MYLK4: variants seen among roughly 807,000 people sequenced by gnomAD.
The protein encoded by MYLK4 is caMLCK like.
In MYLK4, 46 loss-of-function variants were observed where a neutral mutation model predicts 48.1. The ratio of observed to expected loss-of-function variants is 0.96; its 90% confidence interval spans 0.75 to 1.22. The LOEUF (loss-of-function observed/expected upper bound fraction) is 1.22. MYLK4 is among the 50% of genes most tolerant of loss of function. The probability of loss-of-function intolerance (pLI) is 0.00; values close to 1 mark genes in which losing one functional copy is unlikely to be tolerated. For synonymous variants in MYLK4, 170 were observed against 180.8 expected (o/e 0.94, Z 0.48); for missense variants, 451 against 486.1 (o/e 0.93, Z 0.68).
In MYLK4 at chr6:2,666,821, C is replaced by A. The variant is rs142480106; in HGVS notation, c.*1104G>T. The A allele has an allele frequency of 2.0e-5, 3 of 152,256 alleles. No homozygotes were observed. Among genetic ancestry groups the A allele is most frequent in the African/African-American group, 7.2e-5 (3 of 41,460 alleles). The allele number at this position is 152,256 out of a possible 1,614,324, so 9.4% of individuals were successfully genotyped here. On this transcript the variant is annotated 3_prime_UTR_variant, in exon 13 of 13. Transcript: ENST00000274643. ...CAGGCTAGGCATAGGAACCTTCCAA[C>A]TGGAACGTTCCAACATTCTCACGTC... is the stretch of plus-strand genomic sequence containing the variant.
At chr6:2,679,074 A>C (rs1761197604) in intron 9 of MYLK4, among the ~76,000 whole-genome samples, 1 of 152,200 alleles carries the variant, frequency 6.6e-6, no homozygotes, top group African/African-American at 2.4e-5. Context: ...TGAAGAGGAC[A>C]CACATTTACT....
intron 2 of MYLK4, among the ~76,000 whole-genome samples, chr6:2,744,463 TG>T (rs1452388284): frequency 1.3e-5 from 2 of 152,148 alleles, no homozygotes; most frequent in Non-Finnish European, 2.9e-5. Context: ...AAATGCAACT[TG>T]AAAAATCACA....
the MYLK4 span, chr6:2,765,490 C>A: frequency 1.1e-4 from 131 of 1,168,488 alleles, 1 homozygote; most frequent in Non-Finnish European, 1.4e-4. Flanking sequence ...CGCCCTCCTC[C>A]GGCCCGCGAG....
chr6:2,687,998 C>T (rs1270392675), intron 4 of MYLK4, among the ~76,000 whole-genome samples: 2 of 152,130 alleles, frequency 1.3e-5, no homozygotes, highest in Non-Finnish European at 2.9e-5. Context: ...CCTCTCCCCA[C>T]CCCCAGCAGG....
chr6:2,756,081 A>G, the MYLK4 span, among the ~76,000 whole-genome samples: 2 of 152,212 alleles, frequency 1.3e-5, no homozygotes, highest in Non-Finnish European at 2.9e-5. Context: ...TTCCCCAACA[A>G]TGCATCACCC....
intron 7 of MYLK4, among the ~76,000 whole-genome samples, chr6:2,682,774 A>T (rs1272858886): frequency 1.3e-5 from 2 of 152,196 alleles, no homozygotes; most frequent in Non-Finnish European, 2.9e-5. Context: ...TAGGGAAACC[A>T]TTGCCATATA....
At chr6:2,684,800 C>T (rs1178629993) in intron 6 of MYLK4, among the ~76,000 whole-genome samples, 3 of 152,222 alleles carry the variant, frequency 2.0e-5, no homozygotes, top group Non-Finnish European at 4.4e-5. Flanking sequence ...GAGTGTCCTC[C>T]GGTTTTGGTA....
In MYLK4 at chr6:2,685,844, G is replaced by A. The variant is rs1490346386; in HGVS notation, c.342-268C>T. On this transcript the variant is annotated intron_variant, in intron 4 of 12. Transcript: ENST00000274643. This position sits in a 1 kb window ranked among gnomAD's most constrained non-coding sequence, Gnocchi z 4.5. ...CCAGCACTTTGGGAGGCCGAGGCGG[G>A]AGGATCACGAGGTCAGGACCAGTCT... 6.6e-6 allele frequency among the ~76,000 whole-genome samples: 1 copy of A among 152,118 alleles called. No individual in the cohort carries two copies. Among genetic ancestry groups the A allele is most frequent in the Non-Finnish European group, 1.5e-5 (1 of 68,008 alleles).
the MYLK4 span, among the ~76,000 whole-genome samples, chr6:2,767,265 T>G: frequency 6.6e-6 from 1 of 152,176 alleles, no homozygotes; most frequent in Admixed American, 6.5e-5. Flanking sequence ...CAGAGAAAGC[T>G]AAGAAGTGCT....
At position 2,717,142 on chromosome 6, in the gene MYLK4, T is replaced by C. The variant is rs181717343; in HGVS notation, c.160-24283A>G. ...CTGCAGGCAAGGTGAACTCCTGAAC[T>C]TTCCTTCCAGGAACGTCTTGAGGAA... On this transcript the variant is annotated intron_variant, in intron 2 of 12. Coordinates refer to ENST00000274643, the MANE Select transcript of MYLK4 (RefSeq NM_001012418.5). Among the ~76,000 whole-genome samples, 32 of 152,326 alleles carry C rather than the reference T, an allele frequency of 2.1e-4. No individual in the cohort carries two copies. The East Asian group carries it at 3.7e-3, about 17-fold the overall frequency.
the MYLK4 span, chr6:2,765,649 C>T: frequency 4.3e-5 from 66 of 1,545,798 alleles, no homozygotes; most frequent in East Asian, 3.7e-4. Flanking sequence ...CGGAAGACGA[C>T]CCCTTCCTTT....
intron 2 of MYLK4, among the ~76,000 whole-genome samples, chr6:2,727,946 CA>C (rs10716559): frequency 0.57 from 60,209 of 104,748 alleles, 15,812 homozygotes; most frequent in East Asian, 0.76. Flanking sequence ...GACTCCGTCT[CA>C]AAAAAAAAAA....
At chr6:2,726,419 G>T (rs9285964) in intron 2 of MYLK4, among the ~76,000 whole-genome samples, 58,450 of 151,780 alleles carry the variant, frequency 0.39, 11,878 homozygotes, top group African/African-American at 0.52. Flanking sequence ...ATCTCAGCGT[G>T]CAGGGGCTGC....
the MYLK4 span, among the ~76,000 whole-genome samples, chr6:2,763,397 C>T: frequency 1.3e-5 from 2 of 152,054 alleles, no homozygotes; most frequent in Non-Finnish European, 2.9e-5. Flanking sequence ...AGCAGCGCTT[C>T]TCAGGGAGGC....
At chr6:2,749,505 A>C in intron 1 of MYLK4, 99 bp from the exon 2 acceptor site, 1 of 408,346 alleles carries the variant, frequency 2.4e-6, no homozygotes. Context: ...CTTCTGTTTA[A>C]ACTGGAGAGA....
chr6:2,690,149 G>C (rs1761721144), intron 3 of MYLK4, among the ~76,000 whole-genome samples: 1 of 152,214 alleles, frequency 6.6e-6, no homozygotes, highest in South Asian at 2.1e-4. Flanking sequence ...CCTACCCAGT[G>C]GGGTCAGGCC....
At chr6:2,681,776 A>G (rs1761314742) in intron 7 of MYLK4, among the ~76,000 whole-genome samples, 1 of 152,194 alleles carries the variant, frequency 6.6e-6, no homozygotes. Flanking sequence ...CATCCAAGCC[A>G]TAACTAAAAC....
the MYLK4 span, among the ~76,000 whole-genome samples, chr6:2,756,640 A>C: frequency 0.98 from 148,857 of 152,260 alleles, 72,874 homozygotes; most frequent in Middle Eastern, 1. Context: ...CCATAGGATT[A>C]TTTCCGCCCT....
At chr6:2,770,032 A>C in the MYLK4 span, 1 of 1,557,314 alleles carries the variant, frequency 6.4e-7, no homozygotes, top group South Asian at 1.2e-5. Context: ...AAATGAGGAA[A>C]AGGAAGGAAG....
Sources: allele counts gnomAD v4.1 joint callset (sites outside exome capture counted in the v4.1 genomes callset), GRCh38; gene constraint gnomAD v4.1.1; non-coding constraint Gnocchi (gnomAD v3.1); transcripts MANE v1.5; gene names NCBI Gene and HGNC (gene_info 2026-07-23, HGNC 2026-07-21).